SDK1: variants seen among roughly 807,000 people sequenced by gnomAD.
The protein encoded by SDK1 is protein sidekick-1.
A neutral mutation model predicts 245.5 loss-of-function variants in SDK1; 157 were observed. The observed-to-expected ratio is 0.64, with a 90% CI of 0.56 to 0.73. The LOEUF (loss-of-function observed/expected upper bound fraction) is 0.73. Among genes scored for constraint, SDK1 ranks in the 30% least tolerant of loss-of-function variants. The pLI, the probability that SDK1 is intolerant of heterozygous loss-of-function variation, is 0.00. For missense variants in SDK1, 3,583 were observed against 3,002.3 expected (o/e 1.19, Z -4.52); for synonymous variants, 1,647 against 1,278.5 (o/e 1.29, Z -6.15).
At chr7:3,811,460 A>T (rs13310608) in intron 4 of SDK1, among the ~76,000 whole-genome samples, 18,193 of 152,234 alleles carry the variant, frequency 0.12, 1,860 homozygotes, top group African/African-American at 0.28. Context: ...CAGGTTCGAC[A>T]CTACTTCTGG....
chr7:3,904,769 G>A (rs1781905729), intron 5 of SDK1, among the ~76,000 whole-genome samples: 1 of 152,002 alleles, frequency 6.6e-6, no homozygotes, highest in Non-Finnish European at 1.5e-5. Context: ...CTAGGAGGGG[G>A]GATCACAAGG....
chr7:3,591,098 G>T (rs1780859225), intron 1 of SDK1, among the ~76,000 whole-genome samples: 1 of 152,146 alleles, frequency 6.6e-6, no homozygotes, highest in African/African-American at 2.4e-5. Context: ...TTGTTTAAAG[G>T]TAGATTCCTG....
At chr7:4,202,932 T>TAC (rs1234242549) in intron 35 of SDK1, among the ~76,000 whole-genome samples, 21 of 152,288 alleles carry the variant, frequency 1.4e-4, no homozygotes, top group Admixed American at 3.9e-4. Context: ...GAGCTGCTGG[T>TAC]GCTCTCCACC....
chr7:4,059,309 A>G, intron 19 of SDK1, among the ~76,000 whole-genome samples: 1 of 152,260 alleles, frequency 6.6e-6, no homozygotes, highest in East Asian at 1.9e-4. Context: ...GTACGCTTAG[A>G]TAAAATACTT....
intron 28 of SDK1, among the ~76,000 whole-genome samples, chr7:4,141,642 G>C (rs561883299): frequency 6.6e-6 from 1 of 152,224 alleles, no homozygotes; most frequent in African/African-American, 2.4e-5. Context: ...CATAGGAAAG[G>C]CATGTTCCTG....
At position 4,248,379 on chromosome 7, in the gene SDK1, C is replaced by G. The variant is rs371675464; in HGVS notation, c.6381+2574C>G. Among the ~76,000 whole-genome samples the G allele has an allele frequency of 4.3e-3, 617 of 142,638 alleles. 1 individual carries two copies. The highest frequency in any genetic ancestry group is 0.015 in the African/African-American group (587 of 39,498). 93.6% of individuals were successfully genotyped at this position (142,638 alleles called of 152,430 possible). The stretch of plus-strand genomic sequence containing the variant: ...ACGTTTACCTAAATACAACATACAC[C>G]TAAATACACATATGCACACATATGT... On this transcript the variant is annotated intron_variant, in intron 44 of 44. Coordinates refer to ENST00000404826, the MANE Select transcript of SDK1 (RefSeq NM_152744.4).
chr7:3,848,409 A>T (rs1018630135), intron 5 of SDK1, among the ~76,000 whole-genome samples: 1 of 152,196 alleles, frequency 6.6e-6, no homozygotes, highest in Non-Finnish European at 1.5e-5. Context: ...GCAGGATGAC[A>T]GGAGCCTTCT....
chr7:3,370,892 T>G (rs1562446076), intron 1 of SDK1, among the ~76,000 whole-genome samples: 1 of 152,118 alleles, frequency 6.6e-6, no homozygotes. Flanking sequence ...CTGCTCCTCC[T>G]CTGTCTCCAC....
In SDK1 at chr7:4,056,340, A is replaced by G. The variant is rs540050882; in HGVS notation, c.2911+4510A>G. 1.4e-4 allele frequency among the ~76,000 whole-genome samples: 22 copies of G among 152,168 alleles called. No homozygotes were observed. The South Asian group carries it at 4.6e-3, about 32-fold the overall frequency. On this transcript the variant is annotated intron_variant, in intron 19 of 44. Coordinates refer to ENST00000404826, the MANE Select transcript of SDK1 (RefSeq NM_152744.4). ...AAGGAAAGTTTGGAGCCTGAATGAG[A>G]GGGGCTTCAGGGGCCAGCTGACCAC...
rs1269038659 is a variant in SDK1, at chr7:3,619,209, G to A, written c.428G>A (p.Ser143Asn). 4 of 1,612,940 alleles carry A rather than the reference G, an allele frequency of 2.5e-6. No homozygotes were observed. The highest frequency in any genetic ancestry group is 3.4e-6 in the Non-Finnish European group (4 of 1,179,118). Residue 143 changes from serine to asparagine, a missense_variant, in exon 2 of 45, where the codon AGT becomes AAT. Transcript: ENST00000404826. ...PLEFKWMRDD[S>N]ELTTYSSEYK... The stretch of plus-strand genomic sequence containing the variant: ...GAGTTCAAGTGGATGCGCGATGACA[G>A]TGAGCTCACCACCTACAGCAGCGAA...
chr7:3,566,880 T>A (rs1055404750), intron 1 of SDK1, among the ~76,000 whole-genome samples: 2 of 152,096 alleles, frequency 1.3e-5, no homozygotes, highest in Admixed American at 1.3e-4. Context: ...TAAAATGATA[T>A]CCTTATTACA....
In SDK1 at chr7:4,114,288, G is replaced by A. The variant is rs770460304; in HGVS notation, c.3823+14G>A. 1.0e-4 allele frequency: 162 copies of A among 1,573,212 alleles called. No homozygotes were observed. The South Asian group carries it at 1.5e-3, about 15-fold the overall frequency. On this transcript the variant is annotated intron_variant, in intron 25 of 44. Transcript: ENST00000404826. ...CGCGGGAGTCAGGTGAGGGGAAGGC[G>A]ATTCCCATCCTGGAGACACCGCATT... is the stretch of plus-strand genomic sequence containing the variant.
At chr7:3,858,893 C>T (rs1780614934) in intron 5 of SDK1, among the ~76,000 whole-genome samples, 2 of 144,136 alleles carry the variant, frequency 1.4e-5, no homozygotes, top group African/African-American at 5.4e-5. Context: ...GATAGAGTCT[C>T]ACTCTGTCAC....
chr7:3,351,358 A>T (rs769766103), intron 1 of SDK1, among the ~76,000 whole-genome samples: 14 of 152,196 alleles, frequency 9.2e-5, no homozygotes. Context: ...AAAAATTAGA[A>T]AATGGACCTT....
intron 4 of SDK1, among the ~76,000 whole-genome samples, chr7:3,655,070 A>G (rs1358890061): frequency 7.1e-6 from 1 of 140,376 alleles, no homozygotes; most frequent in East Asian, 2.0e-4. Context: ...TTTGGCTCTT[A>G]AATCTGTACC....
chr7:3,843,914 C>T (rs1165285365), intron 5 of SDK1, among the ~76,000 whole-genome samples: 1 of 152,166 alleles, frequency 6.6e-6, no homozygotes, highest in African/African-American at 2.4e-5. Context: ...GTTGATCAAA[C>T]ATTTTCTTAG....
At chr7:3,871,060 G>T (rs1014179682) in intron 5 of SDK1, among the ~76,000 whole-genome samples, 2 of 151,936 alleles carry the variant, frequency 1.3e-5, no homozygotes, top group Non-Finnish European at 1.5e-5. Context: ...GTTTATTTCG[G>T]TCATCTGATC....
chr7:3,531,648 C>T (rs1349576699), intron 1 of SDK1, among the ~76,000 whole-genome samples: 1 of 152,156 alleles, frequency 6.6e-6, no homozygotes, highest in Non-Finnish European at 1.5e-5. Flanking sequence ...ACTATTTTCT[C>T]CCACATTAGT....
chr7:3,574,362 C>A (rs559683112), intron 1 of SDK1, among the ~76,000 whole-genome samples: 1 of 151,980 alleles, frequency 6.6e-6, no homozygotes, highest in African/African-American at 2.4e-5. Flanking sequence ...ATGATTCGCC[C>A]GCCTCAGCTT....
Sources: allele counts gnomAD v4.1 joint callset (sites outside exome capture counted in the v4.1 genomes callset), GRCh38; gene constraint gnomAD v4.1.1; transcripts MANE v1.5; gene names NCBI Gene and HGNC (gene_info 2026-07-23, HGNC 2026-07-21).